FAM78B: variants seen among roughly 807,000 people sequenced by gnomAD.
FAM78B encodes protein FAM78B.
FAM78B carries 10 observed loss-of-function variants against 20.0 expected under a neutral mutation model. That is an observed-to-expected ratio of 0.50 (90% confidence interval 0.31 to 0.85). FAM78B has a LOEUF of 0.85. Ranked by LOEUF, FAM78B falls within the 40% of genes least tolerant of loss-of-function variation. The pLI, the probability that FAM78B is intolerant of heterozygous loss-of-function variation, is 0.05. For synonymous variants in FAM78B, 135 were observed against 132.8 expected (o/e 1.02, Z -0.12); for missense variants, 283 against 345.0 (o/e 0.82, Z 1.42).
intron 1 of FAM78B, among the ~76,000 whole-genome samples, chr1:166,121,592 G>A (rs542624912): frequency 6.6e-6 from 1 of 152,304 alleles, no homozygotes; most frequent in South Asian, 2.1e-4. Context: ...CCCAGGGCAA[G>A]GGGCTCTGAG....
chr1:166,091,528 T>C (rs1392237829), intron 1 of FAM78B, among the ~76,000 whole-genome samples: 1 of 152,212 alleles, frequency 6.6e-6, no homozygotes, highest in African/African-American at 2.4e-5. Context: ...TGTCCAGCCA[T>C]ATGGAACTCT....
At chr1:166,128,411 G>C (rs1432052981) in intron 1 of FAM78B, among the ~76,000 whole-genome samples, 4 of 152,278 alleles carry the variant, frequency 2.6e-5, no homozygotes, top group Non-Finnish European at 5.9e-5. Flanking sequence ...CAGACACCTG[G>C]GGTCTGGTCC....
chr1:166,142,759 G>A (rs1571200596), intron 1 of FAM78B, among the ~76,000 whole-genome samples: 1 of 152,174 alleles, frequency 6.6e-6, no homozygotes, highest in African/African-American at 2.4e-5. Flanking sequence ...AATGATGTAC[G>A]GGTAATGGGT....
chr1:166,150,104 CAG>C (rs1655618781), intron 1 of FAM78B, among the ~76,000 whole-genome samples: 1 of 152,172 alleles, frequency 6.6e-6, no homozygotes, highest in Non-Finnish European at 1.5e-5. Flanking sequence ...GGCTGTGCCT[CAG>C]GGGGGGTTTG....
intron 1 of FAM78B, among the ~76,000 whole-genome samples, chr1:166,152,654 G>GGATTGATTGATT (rs200685630): frequency 8.8e-4 from 123 of 140,076 alleles, no homozygotes; most frequent in African/African-American, 3.2e-3. Flanking sequence ...TTGGTACTCT[G>GGATTGATTGATT]GATTTATTTA....
Position 166,070,143 on chromosome 1 carries a change from C to CTTTGGCTCAGAAACTCTG in FAM78B, c.*80_*97dup. On this transcript the variant is annotated 3_prime_UTR_variant, in exon 2 of 2. Transcript: ENST00000354422. ...AAAGGCTGGCAAACCGAGAGGTCTG[C>CTTTGGCTCAGAAACTCTG]TTTGGCTCAGAAACTCTGTTTGGCT... 7.0e-7 allele frequency: 1 copy of CTTTGGCTCAGAAACTCTG among 1,428,286 alleles called. No homozygotes were observed. The highest frequency in any genetic ancestry group is 1.4e-5 in the African/African-American group (1 of 70,856). 88.5% of individuals were successfully genotyped at this position (1,428,286 alleles called of 1,614,324 possible).
rs1022528277 is a variant in FAM78B, at chr1:166,112,680, C to A, written c.264-41917G>T. On this transcript the variant is annotated intron_variant, in intron 1 of 1. Transcript: ENST00000354422. ...TCCATGAGGCAGGCATTATCCACAC[C>A]CCTGCTCTCAAACCAATAACAGATG... Among the ~76,000 whole-genome samples the A allele has an allele frequency of 1.3e-5, 2 of 152,136 alleles. 1 individual carries two copies. Among genetic ancestry groups the A allele is most frequent in the Admixed American group, 1.3e-4 (2 of 15,270 alleles).
chr1:166,147,036 G>T (rs75523353), intron 1 of FAM78B, among the ~76,000 whole-genome samples: 4,062 of 152,210 alleles, frequency 0.027, 229 homozygotes, highest in Admixed American at 0.13. Context: ...TTGAGTTCTG[G>T]GTCTGGTACT....
At chr1:166,103,711 A>G (rs1221493140) in intron 1 of FAM78B, among the ~76,000 whole-genome samples, 2 of 152,244 alleles carry the variant, frequency 1.3e-5, no homozygotes, top group African/African-American at 2.4e-5. Flanking sequence ...GCAATAATTA[A>G]TAGCTTACAA....
At chr1:166,161,176 A>T (rs1226145026) in intron 1 of FAM78B, among the ~76,000 whole-genome samples, 1 of 151,776 alleles carries the variant, frequency 6.6e-6, no homozygotes, top group African/African-American at 2.4e-5. Context: ...TTTTTGAAAC[A>T]GACTCTCGCT....
chr1:166,084,229 ACACACACACTCTCTCT>A (rs1286736642), intron 1 of FAM78B, among the ~76,000 whole-genome samples: 104 of 133,696 alleles, frequency 7.8e-4, no homozygotes, highest in African/African-American at 2.8e-3. Flanking sequence ...ACACACACAC[ACACACACACTCTCTCT>A]CTCTCTCTCT....
chr1:166,111,422 A>G (rs1286916891), intron 1 of FAM78B, among the ~76,000 whole-genome samples: 2 of 152,278 alleles, frequency 1.3e-5, no homozygotes, highest in African/African-American at 4.8e-5. Flanking sequence ...AGAACAAGTT[A>G]GAAATCTCAG....
At chr1:166,076,039 T>C (rs1180699185) in intron 1 of FAM78B, among the ~76,000 whole-genome samples, 1 of 152,240 alleles carries the variant, frequency 6.6e-6, no homozygotes, top group East Asian at 1.9e-4. Flanking sequence ...CGGTCCAAGC[T>C]AGAGTTGTCT....
chr1:166,149,803 G>A (rs988235333), intron 1 of FAM78B, among the ~76,000 whole-genome samples: 6 of 152,116 alleles, frequency 3.9e-5, no homozygotes, highest in African/African-American at 1.4e-4. Flanking sequence ...CACCTCTGGA[G>A]AGTGTCAGCC....
intron 1 of FAM78B, among the ~76,000 whole-genome samples, chr1:166,105,106 AG>A (rs1653715732): frequency 6.6e-6 from 1 of 152,158 alleles, no homozygotes; most frequent in Non-Finnish European, 1.5e-5. Context: ...CAATGGGGAA[AG>A]GATTCCCTAT....
chr1:166,091,784 C>A (rs1049261168), intron 1 of FAM78B, among the ~76,000 whole-genome samples: 5 of 152,176 alleles, frequency 3.3e-5, no homozygotes, highest in African/African-American at 1.2e-4. Context: ...TAAATGATCT[C>A]ATTTAATCTT....
chr1:166,076,089 G>GCGTCC (rs1652260221), intron 1 of FAM78B, among the ~76,000 whole-genome samples: 1 of 152,172 alleles, frequency 6.6e-6, no homozygotes, highest in Non-Finnish European at 1.5e-5. Flanking sequence ...TGGTCTCCTT[G>GCGTCC]CTAATTACTC....
At chr1:166,099,077 T>C (rs1653397408) in intron 1 of FAM78B, among the ~76,000 whole-genome samples, 1 of 152,160 alleles carries the variant, frequency 6.6e-6, no homozygotes, top group Non-Finnish European at 1.5e-5. Context: ...CTAGAAGGGA[T>C]TGGGGCCCTA....
chr1:166,119,989 CTGTTCCT>C (rs1409091515), intron 1 of FAM78B, among the ~76,000 whole-genome samples: 1 of 152,206 alleles, frequency 6.6e-6, no homozygotes, highest in Non-Finnish European at 1.5e-5. Context: ...TGTGGATCTA[CTGTTCCT>C]TGTGCCTCTG....
Sources: allele counts gnomAD v4.1 joint callset (sites outside exome capture counted in the v4.1 genomes callset), GRCh38; gene constraint gnomAD v4.1.1; transcripts MANE v1.5; gene names NCBI Gene and HGNC (gene_info 2026-07-23, HGNC 2026-07-21).